The following HOPX variants were observed in gnomAD, a reference collection of about 807,000 sequenced individuals.
HOPX encodes HOP homeobox.
HOPX carries 5 observed loss-of-function variants against 11.8 expected under a neutral mutation model. The observed-to-expected ratio is 0.43, with a 90% confidence interval of 0.22 to 0.89. HOPX has a LOEUF of 0.89. HOPX is among the 40% of genes least tolerant of loss of function. The probability of loss-of-function intolerance (pLI) is 0.28; values close to 1 mark genes in which losing one functional copy is unlikely to be tolerated. For synonymous variants in HOPX, 49 were observed against 49.7 expected (o/e 0.99, Z 0.06); for missense variants, 119 against 120.0 (o/e 0.99, Z 0.04).
At chr4:56,649,953 A>G (rs1023326643) in intron 3 of HOPX, 1 of 152,290 alleles carries the variant, frequency 6.6e-6, no homozygotes, top group Non-Finnish European at 1.5e-5. Flanking sequence ...GGATGAGGAC[A>G]GAGCTCTATG....
intron 1 of HOPX, among the ~76,000 whole-genome samples, chr4:56,672,368 G>A (rs1390831515): frequency 2.0e-5 from 3 of 151,450 alleles, no homozygotes; most frequent in South Asian, 2.1e-4. Flanking sequence ...GAGAAACCCC[G>A]CCTCTACTAA....
intron 1 of HOPX, among the ~76,000 whole-genome samples, chr4:56,668,437 T>A (rs1718553891): frequency 6.6e-6 from 1 of 152,242 alleles, no homozygotes; most frequent in Non-Finnish European, 1.5e-5. Flanking sequence ...ATTTTGGCCT[T>A]TCATTTCCCT....
intron 2 of HOPX, among the ~76,000 whole-genome samples, chr4:56,657,317 A>G (rs1041285158): frequency 1.1e-4 from 16 of 152,280 alleles, no homozygotes; most frequent in African/African-American, 3.4e-4. Flanking sequence ...TGTGGGAATC[A>G]CGTTGGTTTG....
chr4:56,651,387 T>A (rs1717156224), intron 3 of HOPX, among the ~76,000 whole-genome samples: 1 of 149,900 alleles, frequency 6.7e-6, no homozygotes. Flanking sequence ...CCAACAGAAA[T>A]CATTAAATAC....
chr4:56,650,785 T>C (rs1717096476), intron 3 of HOPX: 1 of 1,550,516 alleles, frequency 6.4e-7, no homozygotes, highest in Admixed American at 2.0e-5. Context: ...GGGTGCCATA[T>C]TTTGCTCCTG....
chr4:56,667,753 C>A (rs982028875), intron 1 of HOPX, among the ~76,000 whole-genome samples: 1 of 152,172 alleles, frequency 6.6e-6, no homozygotes, highest in African/African-American at 2.4e-5. Flanking sequence ...CTCCAGCATC[C>A]TAACAGACCT....
At chr4:56,681,208 C>T (rs1178273683) in intron 1 of HOPX, 47 bp downstream of exon 1, 3 of 982,284 alleles carry the variant, frequency 3.1e-6, no homozygotes, top group Non-Finnish European at 2.4e-6. Flanking sequence ...AGTTCCTGCA[C>T]AAACTCATTC....
At chr4:56,661,212 T>C (rs1317317746) in intron 1 of HOPX, among the ~76,000 whole-genome samples, 1 of 152,238 alleles carries the variant, frequency 6.6e-6, no homozygotes, top group Admixed American at 6.5e-5. Flanking sequence ...TCATACCATA[T>C]ATAATTTTTC....
intron 1 of HOPX, among the ~76,000 whole-genome samples, chr4:56,665,951 A>G (rs2109522247): frequency 6.6e-6 from 1 of 152,162 alleles, no homozygotes; most frequent in Non-Finnish European, 1.5e-5. Flanking sequence ...CCTTGATGGG[A>G]AGTTGTGGTG....
intron 1 of HOPX, among the ~76,000 whole-genome samples, chr4:56,667,764 G>A (rs940720438): frequency 5.3e-5 from 8 of 152,102 alleles, no homozygotes; most frequent in African/African-American, 1.7e-4. Flanking sequence ...TAACAGACCT[G>A]CATTTTGCTA....
Position 56,648,642 on chromosome 4 carries a change from C to T in HOPX, c.*78G>A. 1 of 1,081,322 alleles carries T rather than the reference C, an allele frequency of 9.2e-7. No individual in the cohort carries two copies. The allele number at this position is 1,081,322 out of a possible 1,614,324, so 67.0% of individuals were successfully genotyped here. A position where few individuals can be genotyped will look rare whatever the true frequency, so the allele number is the denominator to read the frequency against. Reference sequence around the variant, plus strand: ...GAACATACAACACTATGCTGAAAAACCACAACAGCTTGGTTAAGCGGAGGA... The same window carrying T: ...GAACATACAACACTATGCTGAAAAATCACAACAGCTTGGTTAAGCGGAGGA... On this transcript the variant is annotated 3_prime_UTR_variant, in exon 4 of 4. Transcript: ENST00000420433.
At chr4:56,653,413 G>T (rs759961869) in intron 3 of HOPX, among the ~76,000 whole-genome samples, 2 of 152,102 alleles carry the variant, frequency 1.3e-5, no homozygotes, top group African/African-American at 4.8e-5. Flanking sequence ...TGTTTGAGAA[G>T]ATGAAAGAAG....
intron 3 of HOPX, chr4:56,650,575 C>A: frequency 4.0e-6 from 5 of 1,246,060 alleles, no homozygotes; most frequent in Non-Finnish European, 5.6e-6. Flanking sequence ...GGCTCCACAT[C>A]AATGCTAAGC....
chr4:56,663,083 T>G (rs949264184), intron 1 of HOPX: 1 of 152,230 alleles, frequency 6.6e-6, no homozygotes, highest in Non-Finnish European at 1.5e-5. Flanking sequence ...AGTTTTGTTC[T>G]GATTCCATTT....
chr4:56,657,661 G>A (rs563511158), intron 2 of HOPX, 114 bp downstream of exon 2: 7 of 707,868 alleles, frequency 9.9e-6, no homozygotes, highest in Admixed American at 6.1e-5. Context: ...TTCCTGTCAC[G>A]GTGCTAGGCA....
intron 1 of HOPX, among the ~76,000 whole-genome samples, chr4:56,671,580 C>T (rs1325725547): frequency 6.6e-6 from 1 of 152,036 alleles, no homozygotes; most frequent in Non-Finnish European, 1.5e-5. Flanking sequence ...CCATGCTACT[C>T]AGTGATATGG....
At position 56,648,107 on chromosome 4, in the gene HOPX, A is replaced by G. The variant is rs1716825713; in HGVS notation, c.*613T>C. On this transcript the variant is annotated 3_prime_UTR_variant, in exon 4 of 4. Transcript: ENST00000420433. ...AATGCATTTAAATATAGTAAATTCAAGAACTTTGGTGGTTTTTTTTCTTAG... is the reference window on the plus strand; with the variant it reads ...AATGCATTTAAATATAGTAAATTCAGGAACTTTGGTGGTTTTTTTTCTTAG... 6.6e-6 allele frequency: 1 copy of G among 152,236 alleles called. No homozygotes were observed. The highest frequency in any genetic ancestry group is 2.4e-5 in the African/African-American group (1 of 41,450). The allele number at this position is 152,236 out of a possible 1,614,324, so 9.4% of individuals were successfully genotyped here.
At chr4:56,674,984 G>T (rs1438288723) in intron 1 of HOPX, among the ~76,000 whole-genome samples, 1 of 150,362 alleles carries the variant, frequency 6.7e-6, no homozygotes, top group African/African-American at 2.5e-5. Flanking sequence ...CTTGCAAAGT[G>T]CTGGGATTAT....
rs1453887594 is a variant in HOPX at position 56,657,776 on chromosome 4, T to G, written c.41A>C (p.Glu14Ala). The part of the protein sequence containing the change: ...FLGCYRRRLE[E>A]RAGTMSAETA... ...GCTGGGAAGAACCTTGGAAATTACC[T>G]CTTCCAGTCTTCTTCTGTAACAGCC... The change falls in exon 2 of 4, where the codon GAG becomes GCG. Residue 14 changes from glutamate (E) to alanine (A), a missense_variant and splice_region_variant. Transcript: ENST00000420433. 1 of 1,184,036 alleles carries G rather than the reference T, an allele frequency of 8.4e-7. No individual in the cohort carries two copies. Among genetic ancestry groups the G allele is most frequent in the Admixed American group, 2.0e-5 (1 of 50,528 alleles). 73.3% of individuals were successfully genotyped at this position (1,184,036 alleles called of 1,614,324 possible).
Sources: gnomAD v4.1 joint callset for allele counts (sites outside exome capture counted in the v4.1 genomes callset) on GRCh38, gnomAD v4.1.1 for gene constraint, MANE v1.5 for transcripts, NCBI Gene and HGNC (gene_info 2026-07-23, HGNC 2026-07-21) for gene names.